Variants in CYTH3 observed in about 807,000 individuals in gnomAD.
CYTH3 encodes the protein cytohesin-3.
A neutral mutation model predicts 55.1 loss-of-function variants in CYTH3; 23 were observed. The observed-to-expected ratio is 0.42, with a 90% CI of 0.30 to 0.59. CYTH3 has a LOEUF of 0.59. Among genes scored for constraint, CYTH3 ranks in the 20% least tolerant of loss-of-function variants. The pLI, the probability that CYTH3 is intolerant of heterozygous loss-of-function variation, is 0.20. For synonymous variants in CYTH3, 249 were observed against 194.9 expected, an observed-to-expected ratio of 1.28 and a Z score of -2.31; for missense variants, 413 against 524.8, an observed-to-expected ratio of 0.79 and a Z score of 2.08.
chr7:6,203,953 G>A (rs2128547476), intron 1 of CYTH3, among the ~76,000 whole-genome samples: 1 of 151,582 alleles, frequency 6.6e-6, no homozygotes, highest in East Asian at 1.9e-4. Flanking sequence ...TCCTGACCTC[G>A]TGATCCACCC....
At chr7:6,177,644 C>T (rs765852738) in intron 5 of CYTH3, among the ~76,000 whole-genome samples, 179 bp downstream of exon 5, 4 of 152,206 alleles carry the variant, frequency 2.6e-5, no homozygotes, top group Non-Finnish European at 5.9e-5. Flanking sequence ...CCCATGGACA[C>T]GGGAGAGGAA....
chr7:6,227,932 C>T (rs1439578906), intron 1 of CYTH3, among the ~76,000 whole-genome samples: 1 of 152,158 alleles, frequency 6.6e-6, no homozygotes, highest in African/African-American at 2.4e-5. Context: ...ATGTTTGCCT[C>T]AGGCCTGTGT....
At chr7:6,265,998 G>A (rs1295015448) in intron 1 of CYTH3, among the ~76,000 whole-genome samples, 4 of 149,220 alleles carry the variant, frequency 2.7e-5, no homozygotes, top group African/African-American at 1.0e-4. Flanking sequence ...TCTGAGTAGT[G>A]GGAACAAGAG....
intron 4 of CYTH3, among the ~76,000 whole-genome samples, chr7:6,180,013 G>C (rs142509320): frequency 2.4e-3 from 372 of 152,130 alleles, no homozygotes; most frequent in Non-Finnish European, 4.4e-3. Flanking sequence ...CAGAGCCTAG[G>C]GCAGGAAAGA....
chr7:6,168,820 T>C (rs567863220), intron 9 of CYTH3, among the ~76,000 whole-genome samples: 32 of 152,326 alleles, frequency 2.1e-4, no homozygotes, highest in African/African-American at 2.2e-4. Flanking sequence ...AGGGGTCACA[T>C]TGGCTGCCAG....
At chr7:6,263,789 A>G (rs1780415378) in intron 1 of CYTH3, among the ~76,000 whole-genome samples, 1 of 151,260 alleles carries the variant, frequency 6.6e-6, no homozygotes, top group African/African-American at 2.4e-5. Context: ...CAGAGTGAGG[A>G]CACTAACTTC....
intron 12 of CYTH3, 35 bp from the exon 13 acceptor site, chr7:6,165,051 T>G (rs751155450): frequency 1.1e-5 from 17 of 1,612,252 alleles, no homozygotes; most frequent in Middle Eastern, 1.6e-4. Context: ...GGTTAGGTCG[T>G]GGGTGACACA....
At chr7:6,204,181 G>A (rs1440511227) in intron 1 of CYTH3, among the ~76,000 whole-genome samples, 2 of 152,046 alleles carry the variant, frequency 1.3e-5, no homozygotes, top group Non-Finnish European at 2.9e-5. Context: ...ATAAGCTAAC[G>A]ACGCATCTTA....
At chr7:6,186,492 T>C (rs192775608) in intron 4 of CYTH3, among the ~76,000 whole-genome samples, 3 of 152,278 alleles carry the variant, frequency 2.0e-5, no homozygotes, top group Non-Finnish European at 2.9e-5. Context: ...AGTGTCTCCC[T>C]AGAAAATCCA....
chr7:6,178,052 T>C, intron 4 of CYTH3, 111 bp from the exon 5 acceptor site: 3 of 769,686 alleles, frequency 3.9e-6, no homozygotes, highest in Non-Finnish European at 4.4e-6. Flanking sequence ...ACAGCAAAAA[T>C]AATACCAGAG....
At chr7:6,193,580 C>T (rs1254957775) in intron 1 of CYTH3, among the ~76,000 whole-genome samples, 1 of 152,154 alleles carries the variant, frequency 6.6e-6, no homozygotes, top group Non-Finnish European at 1.5e-5. Context: ...GTGGCGTAGA[C>T]CAAGTAACCT....
At chr7:6,212,462 C>T (rs185802711) in intron 1 of CYTH3, among the ~76,000 whole-genome samples, 10 of 152,258 alleles carry the variant, frequency 6.6e-5, no homozygotes, top group African/African-American at 2.4e-4. Context: ...CACCATTCTA[C>T]TTTGTCTCTA....
intron 1 of CYTH3, among the ~76,000 whole-genome samples, chr7:6,192,723 G>T (rs1033177918): frequency 2.0e-5 from 3 of 150,716 alleles, no homozygotes; most frequent in Admixed American, 6.6e-5. Flanking sequence ...AGTAGAGACG[G>T]GGTTTCACCA....
At position 6,170,920 on chromosome 7, in the gene CYTH3, G is replaced by A; in HGVS notation, c.621C>T (p.His207=). The change falls in exon 8 of 13, where the codon CAC becomes CAT. Residue 207 remains histidine, a synonymous_variant. Transcript: ENST00000350796. The surrounding 1 kb of genome is among the most constrained non-coding windows in gnomAD (Gnocchi z 7.8). The part of the protein sequence containing the change: ...IIMLNTSLHN[H]NVRDKPTAER... ...CTGCCGTGGGCTTGTCACGCACGTT[G>A]TGGTTGTGGAGGCTGGTGTTGAGCA... 1 of 1,614,072 alleles carries A rather than the reference G, an allele frequency of 6.2e-7. No homozygotes were observed. The highest frequency in any genetic ancestry group is 8.5e-7 in the Non-Finnish European group (1 of 1,179,944).
rs1239594182 is a variant in CYTH3 at position 6,171,762 on chromosome 7, G to A, written c.450-448C>T. 1 of 171,976 alleles carries A rather than the reference G, an allele frequency of 5.8e-6. No homozygotes were observed. Among genetic ancestry groups the A allele is most frequent in the Non-Finnish European group, 1.3e-5 (1 of 78,378 alleles). The allele number at this position is 171,976 out of a possible 1,614,324, so 10.7% of individuals were successfully genotyped here. On this transcript the variant is annotated intron_variant, in intron 6 of 12. Coordinates refer to ENST00000350796, the MANE Select transcript of CYTH3 (RefSeq NM_004227.4). The surrounding 1 kb of genome is among the most constrained non-coding windows in gnomAD (Gnocchi z 6.7). ...TATCCAAAGCCCCACCTACAGCACT[G>A]GGCGCTGCGGTCAGAAGCTGCTGCT...
At chr7:6,250,897 C>A (rs1366216547) in intron 1 of CYTH3, among the ~76,000 whole-genome samples, 2 of 152,220 alleles carry the variant, frequency 1.3e-5, no homozygotes, top group African/African-American at 4.8e-5. Flanking sequence ...TGCACAGTCC[C>A]TCGCTCCTGT....
chr7:6,216,742 A>C (rs1784435172), intron 1 of CYTH3, among the ~76,000 whole-genome samples: 1 of 151,972 alleles, frequency 6.6e-6, no homozygotes, highest in Non-Finnish European at 1.5e-5. Flanking sequence ...CCCCATCTCA[A>C]AAAAATGTGT....
intron 4 of CYTH3, among the ~76,000 whole-genome samples, chr7:6,179,806 A>ACACC (rs1783452339): frequency 8.1e-6 from 1 of 123,934 alleles, no homozygotes; most frequent in Admixed American, 8.2e-5. Flanking sequence ...CCCACCACAC[A>ACACC]CACCACACAC....
intron 1 of CYTH3, among the ~76,000 whole-genome samples, chr7:6,203,089 A>G (rs1364206095): frequency 6.6e-6 from 1 of 152,200 alleles, no homozygotes; most frequent in African/African-American, 2.4e-5. Flanking sequence ...TATTTTGTTC[A>G]GTTATTCACA....
Sources: gnomAD v4.1 joint callset for allele counts (sites outside exome capture counted in the v4.1 genomes callset) on GRCh38, gnomAD v4.1.1 for gene constraint, Gnocchi (gnomAD v3.1) non-coding constraint, MANE v1.5 for transcripts, NCBI Gene and HGNC (gene_info 2026-07-23, HGNC 2026-07-21) for gene names.